The following DOCK3 variants were observed in gnomAD, a reference collection of about 807,000 sequenced individuals.
DOCK3 encodes dedicator of cytokinesis 3, also known as dedicator of cytokinesis protein 3.
DOCK3 carries 60 observed loss-of-function variants against 265.6 expected under a neutral mutation model. The ratio of observed to expected loss-of-function variants is 0.23; its 90% confidence interval spans 0.18 to 0.28. The LOEUF is 0.28. DOCK3 is among the 10% of genes least tolerant of loss of function. DOCK3 has a pLI of 1.00. For synonymous variants in DOCK3, 881 were observed against 938.0 expected, an observed-to-expected ratio of 0.94 and a Z score of 1.11; for missense variants, 1,981 against 2,594.3, an observed-to-expected ratio of 0.76 and a Z score of 5.14.
At chr3:51,041,782 A>T (rs2080543674) in intron 5 of DOCK3, among the ~76,000 whole-genome samples, 1 of 152,190 alleles carries the variant, frequency 6.6e-6, no homozygotes, top group African/African-American at 2.4e-5. Context: ...AGCCTTTATT[A>T]TTCCACTTAG....
chr3:51,290,307 T>A (rs1465506424), intron 27 of DOCK3, among the ~76,000 whole-genome samples: 1 of 152,208 alleles, frequency 6.6e-6, no homozygotes, highest in Non-Finnish European at 1.5e-5. Context: ...AATGATAGAC[T>A]GGATTAAGAA....
At chr3:51,030,519 G>T (rs1409279153) in intron 5 of DOCK3, among the ~76,000 whole-genome samples, 2 of 152,070 alleles carry the variant, frequency 1.3e-5, no homozygotes, top group East Asian at 3.9e-4. Flanking sequence ...ACCCTCTAGT[G>T]GTTCTAGTTG....
chr3:50,823,839 A>G (rs1576552429), intron 2 of DOCK3, among the ~76,000 whole-genome samples: 1 of 152,246 alleles, frequency 6.6e-6, no homozygotes, highest in South Asian at 2.1e-4. Context: ...ATTTTATAAT[A>G]GTTACTATTT....
At chr3:51,053,492 G>A (rs1044909082) in intron 5 of DOCK3, among the ~76,000 whole-genome samples, 5 of 147,686 alleles carry the variant, frequency 3.4e-5, no homozygotes, top group Admixed American at 2.7e-4. Flanking sequence ...GCATGATCTC[G>A]CTCCCTGCAA....
At chr3:51,095,059 ATG>A (rs1161881811) in intron 9 of DOCK3, among the ~76,000 whole-genome samples, 1 of 147,100 alleles carries the variant, frequency 6.8e-6, no homozygotes, top group African/African-American at 2.5e-5. Context: ...TTTTGAGCCT[ATG>A]TGTGTCTTTG....
intron 5 of DOCK3, among the ~76,000 whole-genome samples, chr3:51,028,027 G>T (rs145311254): frequency 5.3e-5 from 8 of 152,232 alleles, no homozygotes; most frequent in African/African-American, 1.9e-4. Context: ...GCTGTATAGG[G>T]TCTGTGGGTT....
chr3:50,706,041 A>AC (rs1277645936), intron 1 of DOCK3, among the ~76,000 whole-genome samples: 1 of 151,990 alleles, frequency 6.6e-6, no homozygotes, highest in Non-Finnish European at 1.5e-5. Flanking sequence ...AAAAAAAAAA[A>AC]AAGTGGCAGT....
At chr3:51,007,668 TG>T (rs1243651243) in intron 5 of DOCK3, among the ~76,000 whole-genome samples, 1 of 152,182 alleles carries the variant, frequency 6.6e-6, no homozygotes. Flanking sequence ...CCATTGCTTT[TG>T]GTGTTTTAGT....
In DOCK3 at chr3:51,361,166, TGG is replaced by T. The variant is rs375233708; in HGVS notation, c.5006+536_5006+537del. 1.3e-5 allele frequency among the ~76,000 whole-genome samples: 2 copies of T among 152,216 alleles called. No homozygotes were observed. The highest frequency in any genetic ancestry group is 6.5e-5 in the Admixed American group (1 of 15,278). On this transcript the variant is annotated intron_variant, in intron 47 of 52. Coordinates refer to ENST00000266037, the MANE Select transcript of DOCK3 (RefSeq NM_004947.5). This position sits in a 1 kb window ranked among gnomAD's most constrained non-coding sequence, Gnocchi z 4.2. ...TGTGAACATCAAAGACTGGTTTGCC[TGG>T]GCTCAACTGAGAATACTGAAAGCCT...
intron 1 of DOCK3, among the ~76,000 whole-genome samples, chr3:50,752,606 G>A (rs1178031311): frequency 6.6e-6 from 1 of 151,590 alleles, no homozygotes; most frequent in African/African-American, 2.4e-5. Flanking sequence ...GTGAAACTCT[G>A]TCTCTAATAA....
At chr3:50,736,542 C>T (rs578112957) in intron 1 of DOCK3, among the ~76,000 whole-genome samples, 2 of 152,108 alleles carry the variant, frequency 1.3e-5, no homozygotes, top group Non-Finnish European at 2.9e-5. Context: ...TCCTATTTCT[C>T]CACATCCTCT....
At chr3:51,273,573 A>G (rs2080634872) in intron 24 of DOCK3, among the ~76,000 whole-genome samples, 1 of 152,222 alleles carries the variant, frequency 6.6e-6, no homozygotes, top group South Asian at 2.1e-4. Context: ...ATTTTCATCT[A>G]CATAGTGCAG....
At chr3:51,238,445 T>C (rs1051164883) in intron 21 of DOCK3, among the ~76,000 whole-genome samples, 3 of 151,848 alleles carry the variant, frequency 2.0e-5, no homozygotes, top group East Asian at 1.9e-4. Flanking sequence ...CCTGGCTGGG[T>C]TTTTTTGTTT....
intron 26 of DOCK3, among the ~76,000 whole-genome samples, chr3:51,279,619 G>A (rs371962441): frequency 2.6e-5 from 4 of 152,148 alleles, no homozygotes; most frequent in Admixed American, 6.5e-5. Flanking sequence ...ATTGATCTGC[G>A]CTGTGTTTTG....
intron 9 of DOCK3, among the ~76,000 whole-genome samples, chr3:51,104,311 G>A (rs1371690782): frequency 2.6e-5 from 4 of 152,226 alleles, no homozygotes; most frequent in South Asian, 2.1e-4. Context: ...TGGCCTTGGC[G>A]AGGGAGTGGT....
intron 6 of DOCK3, among the ~76,000 whole-genome samples, chr3:51,067,386 G>A (rs546957376): frequency 2.0e-5 from 3 of 150,986 alleles, no homozygotes; most frequent in Non-Finnish European, 4.4e-5. Flanking sequence ...GTAAATTACA[G>A]GGCTATTCCA....
intron 23 of DOCK3, among the ~76,000 whole-genome samples, chr3:51,268,230 T>C (rs2080304877): frequency 6.6e-6 from 1 of 152,180 alleles, no homozygotes; most frequent in Non-Finnish European, 1.5e-5. Flanking sequence ...ATATTAAAAC[T>C]ACCTGACCAA....
chr3:50,984,190 T>C (rs2077809645), intron 5 of DOCK3, among the ~76,000 whole-genome samples: 1 of 152,144 alleles, frequency 6.6e-6, no homozygotes, highest in Non-Finnish European at 1.5e-5. Context: ...ACGAACCCAG[T>C]GGGCCCAAGC....
intron 32 of DOCK3, among the ~76,000 whole-genome samples, chr3:51,317,572 T>C (rs1454215173): frequency 7.9e-6 from 1 of 127,194 alleles, no homozygotes; most frequent in Non-Finnish European, 1.6e-5. Flanking sequence ...AGAGCGAGAC[T>C]CCATCACAAA....
Sources: gnomAD v4.1 joint callset for allele counts (sites outside exome capture counted in the v4.1 genomes callset) on GRCh38, gnomAD v4.1.1 for gene constraint, Gnocchi (gnomAD v3.1) non-coding constraint, MANE v1.5 for transcripts, NCBI Gene and HGNC (gene_info 2026-07-23, HGNC 2026-07-21) for gene names.